The following MBNL1 variants were observed in gnomAD, a reference collection of about 807,000 sequenced individuals.
MBNL1 encodes the protein muscleblind like splicing regulator 1, also known as muscleblind-like protein 1.
Under a neutral mutation model 42.2 loss-of-function variants are expected in MBNL1, and 8 were observed. That is an observed-to-expected ratio of 0.19 (90% CI 0.11 to 0.34). MBNL1 has a LOEUF of 0.34. MBNL1 is among the 10% of genes least tolerant of loss of function. The probability of loss-of-function intolerance (pLI) is 1.00; values close to 1 mark genes in which losing one functional copy is unlikely to be tolerated. For missense variants in MBNL1, 309 were observed against 495.3 expected (o/e 0.62, Z 3.57); for synonymous variants, 169 against 173.9 (o/e 0.97, Z 0.22).
At chr3:152,423,923 G>A (rs184801875) in intron 3 of MBNL1, among the ~76,000 whole-genome samples, 2 of 152,286 alleles carry the variant, frequency 1.3e-5, no homozygotes, top group Admixed American at 1.3e-4. Flanking sequence ...TTGATGGAAT[G>A]TATCTCAAAA....
intron 9 of MBNL1, among the ~76,000 whole-genome samples, chr3:152,459,591 T>C (rs2153973124): frequency 6.6e-6 from 1 of 152,262 alleles, no homozygotes; most frequent in South Asian, 2.1e-4. Flanking sequence ...AAACACAGCA[T>C]AAAGAAAATG....
At chr3:152,343,068 CCT>C (rs933850857) in intron 2 of MBNL1, among the ~76,000 whole-genome samples, 80 of 152,224 alleles carry the variant, frequency 5.3e-4, no homozygotes, top group African/African-American at 1.9e-3. Flanking sequence ...ATCCATTTAA[CCT>C]CTCTGAAAGG....
intron 2 of MBNL1, among the ~76,000 whole-genome samples, chr3:152,384,849 T>A (rs1016735442): frequency 1.3e-5 from 2 of 152,156 alleles, no homozygotes; most frequent in African/African-American, 4.8e-5. Context: ...CCAAACTTTG[T>A]ACCATTAGAT....
chr3:152,365,266 ATT>A (rs11365207), intron 2 of MBNL1, among the ~76,000 whole-genome samples: 131 of 150,030 alleles, frequency 8.7e-4, no homozygotes, highest in African/African-American at 3.0e-3. Context: ...CAATTTTCTG[ATT>A]TTTTTTTTAT....
At chr3:152,402,723 G>GA (rs1419775790) in intron 2 of MBNL1, among the ~76,000 whole-genome samples, 1 of 151,766 alleles carries the variant, frequency 6.6e-6, no homozygotes, top group Non-Finnish European at 1.5e-5. Context: ...TTTGAATGAA[G>GA]AAAAAAATGG....
At chr3:152,427,918 A>AT (rs980667834) in intron 3 of MBNL1, among the ~76,000 whole-genome samples, 6 of 148,638 alleles carry the variant, frequency 4.0e-5, no homozygotes, top group Non-Finnish European at 4.5e-5. Context: ...TACTCCCTCT[A>AT]TTTTTTTTTT....
chr3:152,437,360 A>T (rs1007995403), intron 4 of MBNL1, among the ~76,000 whole-genome samples: 13 of 152,242 alleles, frequency 8.5e-5, no homozygotes, highest in African/African-American at 2.4e-4. Flanking sequence ...TGACATCTTT[A>T]CAGCACCCAG....
chr3:152,454,177 T>G (rs1332404381), intron 6 of MBNL1, among the ~76,000 whole-genome samples: 1 of 152,174 alleles, frequency 6.6e-6, no homozygotes, highest in Non-Finnish European at 1.5e-5. Flanking sequence ...CAATATAATA[T>G]TATTCCACTT....
At position 152,299,988 on chromosome 3, in the gene MBNL1, A is replaced by G. The variant is rs998338776; in HGVS notation, c.-206A>G. ...AAAACCTCTTTGAATTAACAGTTTCATGCTGTGAATTTCTAGTGGGAGATC... is the reference window on the plus strand; with the variant it reads ...AAAACCTCTTTGAATTAACAGTTTCGTGCTGTGAATTTCTAGTGGGAGATC... On this transcript the variant is annotated 5_prime_UTR_variant, in exon 2 of 10. It removes an upstream start codon present in the reference 5' UTR. Transcript: ENST00000324210. The G allele has an allele frequency of 1.9e-6, 1 of 516,340 alleles. No homozygotes were observed. The highest frequency in any genetic ancestry group is 3.8e-5 in the Admixed American group (1 of 26,564). 32.0% of individuals were successfully genotyped at this position (516,340 alleles called of 1,614,324 possible). A position where few individuals can be genotyped will look rare whatever the true frequency, so the allele number is the denominator to read the frequency against.
chr3:152,416,414 G>A (rs1418676855), intron 3 of MBNL1, among the ~76,000 whole-genome samples: 1 of 152,140 alleles, frequency 6.6e-6, no homozygotes, highest in Non-Finnish European at 1.5e-5. Context: ...TATTAGGATA[G>A]CATGAAGATT....
At chr3:152,353,413 G>T (rs1487357695) in intron 2 of MBNL1, among the ~76,000 whole-genome samples, 1 of 152,200 alleles carries the variant, frequency 6.6e-6, no homozygotes, top group African/African-American at 2.4e-5. Flanking sequence ...AGGCTGAAAA[G>T]GTTGCCTTTT....
chr3:152,283,754 A>G (rs1169396094), intron 1 of MBNL1, among the ~76,000 whole-genome samples: 1 of 152,196 alleles, frequency 6.6e-6, no homozygotes, highest in African/African-American at 2.4e-5. Context: ...CAGGTGTTCC[A>G]TACAGACCAG....
chr3:152,317,115 C>T (rs550043610), intron 2 of MBNL1, among the ~76,000 whole-genome samples: 1 of 152,026 alleles, frequency 6.6e-6, no homozygotes, highest in South Asian at 2.1e-4. Flanking sequence ...CTTGATGGTA[C>T]CTTGGTTGTA....
intron 5 of MBNL1, among the ~76,000 whole-genome samples, chr3:152,447,244 T>C (rs1416831953): frequency 6.6e-6 from 1 of 152,202 alleles, no homozygotes; most frequent in Non-Finnish European, 1.5e-5. Flanking sequence ...TACAATTAAC[T>C]ATTAACATTG....
intron 2 of MBNL1, among the ~76,000 whole-genome samples, chr3:152,312,544 A>G (rs1186136136): frequency 6.6e-6 from 1 of 152,238 alleles, no homozygotes; most frequent in African/African-American, 2.4e-5. Context: ...AATGGTAGCC[A>G]TTAGTATTGA....
intron 2 of MBNL1, among the ~76,000 whole-genome samples, chr3:152,311,735 A>G (rs2066614018): frequency 6.6e-6 from 1 of 151,970 alleles, no homozygotes; most frequent in South Asian, 2.1e-4. Context: ...ATGTAATTGG[A>G]CAAAAATTTG....
chr3:152,324,445 C>T (rs2078256636), intron 2 of MBNL1, among the ~76,000 whole-genome samples: 1 of 152,100 alleles, frequency 6.6e-6, no homozygotes, highest in South Asian at 2.1e-4. Flanking sequence ...CAGTGGAGTG[C>T]TGGAACTGGT....
chr3:152,415,206 A>G, intron 3 of MBNL1, 95 bp downstream of exon 3: 1 of 1,189,768 alleles, frequency 8.4e-7, no homozygotes, highest in Non-Finnish European at 1.1e-6. Flanking sequence ...AAATGAACAC[A>G]GGCAACAATT....
chr3:152,344,327 A>G (rs547239337), intron 2 of MBNL1, among the ~76,000 whole-genome samples: 1 of 152,264 alleles, frequency 6.6e-6, no homozygotes, highest in African/African-American at 2.4e-5. Context: ...CTTCTCTGAT[A>G]AATCAGGATG....
Sources: allele counts gnomAD v4.1 joint callset (sites outside exome capture counted in the v4.1 genomes callset), GRCh38; gene constraint gnomAD v4.1.1; transcripts MANE v1.5; gene names NCBI Gene and HGNC (gene_info 2026-07-23, HGNC 2026-07-21).